Variants in NACA observed in about 807,000 individuals in gnomAD.
NACA encodes nascent polypeptide associated complex subunit alpha.
In NACA, 42 loss-of-function variants were observed where a neutral mutation model predicts 86.4. That is an observed-to-expected ratio of 0.49 (90% confidence interval 0.38 to 0.63). The LOEUF (loss-of-function observed/expected upper bound fraction) is 0.63, where lower values mean the gene tolerates loss of function less well. NACA is among the 20% of genes least tolerant of loss of function. NACA has a pLI of 0.00. For synonymous variants in NACA, 898 were observed against 973.7 expected, an observed-to-expected ratio of 0.92 and a Z score of 1.45; for missense variants, 2,157 against 2,483.6, an observed-to-expected ratio of 0.87 and a Z score of 2.80.
In NACA at chr12:56,716,187, G is replaced by C; in HGVS notation, c.5343C>G (p.Val1781=). Reference sequence around the variant, plus strand: ...CAGATGCTGATTCAGGTTTAGGAAGGACCTTCTCAAAGGCAGCTGCTGTTA... The same window carrying C: ...CAGATGCTGATTCAGGTTTAGGAAGCACCTTCTCAAAGGCAGCTGCTGTTA... The part of the protein sequence containing the change: ...TPLTAAAFEK[V]LPKPESASVS... Residue 1781 remains valine, a synonymous_variant, in exon 3 of 9, where the codon GTC becomes GTG. Coordinates refer to ENST00000454682, the MANE Select transcript of NACA (RefSeq NM_001365896.1). The C allele has an allele frequency of 1.2e-6, 2 of 1,613,714 alleles. No individual in the cohort carries two copies. Among genetic ancestry groups the C allele is most frequent in the Non-Finnish European group, 1.7e-6 (2 of 1,179,874 alleles).
At chr12:56,724,395 C>G (rs1953653335) in intron 2 of NACA, 57 bp downstream of exon 2, 13 of 1,529,898 alleles carry the variant, frequency 8.5e-6, no homozygotes, top group Non-Finnish European at 1.1e-5. Context: ...TCATTTTGCC[C>G]ACCAAATGGC....
rs905513404 is a variant in NACA at position 56,719,477 on chromosome 12, G to A, written c.2053C>T (p.Pro685Ser). The change falls in exon 3 of 9, where the codon CCT becomes TCT. Residue 685 changes from proline to serine, a missense_variant. Coordinates refer to ENST00000454682, the MANE Select transcript of NACA (RefSeq NM_001365896.1). ...CCTTCCTTAACTGGGTGGTTTTTAG[G>A]AGCTAAAGAGACAGTTCCTTCTAGA... is the stretch of plus-strand genomic sequence containing the variant. ...PFLEGTVSLAPKNHPVKEGTL... is the reference protein window; with the variant it reads ...PFLEGTVSLASKNHPVKEGTL... 3.7e-6 allele frequency: 6 copies of A among 1,613,846 alleles called. 1 individual carries two copies. In the Admixed American group the frequency reaches 8.3e-5, roughly 22 times the overall value.
rs1322799886 is a variant in NACA at position 56,719,294 on chromosome 12, G to A, written c.2236C>T (p.Pro746Ser). The A allele has an allele frequency of 6.3e-7, 1 of 1,595,272 alleles. No individual in the cohort carries two copies. Among genetic ancestry groups the A allele is most frequent in the South Asian group, 1.1e-5 (1 of 89,958 alleles). Residue 746 changes from proline (P) to serine (S), a missense_variant, in exon 3 of 9, where the codon CCA becomes TCA. By Grantham distance (74) the Pro-to-Ser change is moderately conservative. Around this residue, in one of 8 missense-constraint regions of NACA, gnomAD observed 947 missense variants for 917.9 expected, o/e 1.03. Transcript: ENST00000454682. ...SPSLPPAGTP[P>S]GTKKVDGISH... The stretch of plus-strand genomic sequence containing the variant: ...ATACCATCAACCTTTTTTGTACCTG[G>A]AGGAGTCCCAGCTGGGGGAAGAGAG...
In NACA at chr12:56,720,420, A is replaced by G; in HGVS notation, c.1110T>C (p.Thr370=). 1.9e-6 allele frequency: 3 copies of G among 1,613,914 alleles called. No homozygotes were observed. The highest frequency in any genetic ancestry group is 2.5e-6 in the Non-Finnish European group (3 of 1,179,822). The stretch of plus-strand genomic sequence containing the variant: ...GAGCCACCACTGGAAAGGCAGCCAC[A>G]GTAGCAGGAACTACCTCATTTCTGG... ...LPSRNEVVPA[T]VAAFPVVAPS... is the part of the protein sequence containing the mutation. The change falls in exon 3 of 9, where the codon ACT becomes ACC. Residue 370 remains threonine (T), a synonymous_variant. Coordinates refer to ENST00000454682, the MANE Select transcript of NACA (RefSeq NM_001365896.1).
In NACA at chr12:56,720,367, A is replaced by G; in HGVS notation, c.1163T>C (p.Ile388Thr). ...AGAAGGGCTGCAGGTTATGCTAGAG[A>G]TGGTAGAGGGACCTTTGTCAACAGA... ...APSVDKGPST[I>T]SSITCSPSGS... The change falls in exon 3 of 9, where the codon ATC becomes ACC. Residue 388 changes from isoleucine to threonine, a missense_variant. Around this residue, in one of 8 missense-constraint regions of NACA, gnomAD observed 947 missense variants for 917.9 expected, o/e 1.03. Transcript: ENST00000454682. 6.2e-7 allele frequency: 1 copy of G among 1,613,908 alleles called. No individual in the cohort carries two copies. Among genetic ancestry groups the G allele is most frequent in the African/African-American group, 1.3e-5 (1 of 75,016 alleles).
rs1265252949 is a variant in NACA at position 56,717,277 on chromosome 12, G to A, written c.4253C>T (p.Thr1418Ile). 1.6e-5 allele frequency: 21 copies of A among 1,341,406 alleles called. No individual in the cohort carries two copies. Among genetic ancestry groups the A allele is most frequent in the Non-Finnish European group, 2.1e-5 (21 of 1,023,930 alleles). The allele number at this position is 1,341,406 out of a possible 1,614,324, so 83.1% of individuals were successfully genotyped here. ...GGCTGCGCCTTCTCTGGTGACTGGA[G>A]TTGCTGGAGCCTTTTTGGGGGAGAG... ...IPLSPKKAPA[T>I]PVTREGAATP... The change falls in exon 3 of 9, where the codon ACT (threonine) becomes ATT (isoleucine). Residue 1418 changes from threonine (T) to isoleucine (I), a missense_variant. By Grantham distance (89) the Thr-to-Ile change is moderately conservative. This residue lies in a region of NACA where 797 missense variants were observed against 777.6 expected (regional missense o/e 1.02). Transcript: ENST00000454682.
At chr12:56,714,295 G>T in intron 5 of NACA, 67 bp downstream of exon 5, 1 of 1,519,232 alleles carries the variant, frequency 6.6e-7, no homozygotes. Flanking sequence ...AAAAACCTAT[G>T]GAAATAAACA....
Position 56,714,615 on chromosome 12 carries a change from G to A in NACA, c.5732C>T (p.Thr1911Ile). 2 of 1,614,126 alleles carry A rather than the reference G, an allele frequency of 1.2e-6. No individual in the cohort carries two copies. Among genetic ancestry groups the A allele is most frequent in the Non-Finnish European group, 1.7e-6 (2 of 1,180,012 alleles). The change falls in exon 4 of 9, where the codon ACA becomes ATA. Residue 1911 changes from threonine (T) to isoleucine (I), a missense_variant. Physicochemically the swap from Thr to Ile is moderately conservative, Grantham distance 89. This residue lies in a region of NACA where 797 missense variants were observed against 777.6 expected (regional missense o/e 1.02). Transcript: ENST00000454682. ...LEEQDSTQAT[T>I]QQAQLAAAAE... ...GAGAATACCCACCTGGGCTTGTTGT[G>A]TGGTTGCCTGGGTGGAATCCTGTTC...
At chr12:56,714,725 A>T in intron 3 of NACA, 38 bp from the exon 4 acceptor site, 1 of 1,586,436 alleles carries the variant, frequency 6.3e-7, no homozygotes, top group Non-Finnish European at 8.7e-7. Flanking sequence ...TTATAGTAGA[A>T]ATTATAAGAG....
chr12:56,721,503 AG>A, intron 2 of NACA, 44 bp from the exon 3 acceptor site: 2 of 1,344,372 alleles, frequency 1.5e-6, no homozygotes, highest in Non-Finnish European at 2.0e-6. Flanking sequence ...GAGGGGGAGG[AG>A]AAAAAAGGTG....
chr12:56,724,516 G>A lies in NACA; in HGVS notation c.6C>T (p.Pro2=). 1.2e-6 allele frequency: 2 copies of A among 1,611,954 alleles called. No homozygotes were observed. The highest frequency in any genetic ancestry group is 8.5e-7 in the Non-Finnish European group (1 of 1,179,102). The change falls in exon 2 of 9, where the codon CCC becomes CCT. Residue 2 remains proline (P), a synonymous_variant. Coordinates refer to ENST00000454682, the MANE Select transcript of NACA (RefSeq NM_001365896.1). ...CAGGGACGGTTTCTGTGGCTTCGCC[G>A]GGCATTTCTGAAGGAAGGGAATAAA... M[P]GEATETVPAT...
chr12:56,721,555 A>G, intron 2 of NACA, 96 bp from the exon 3 acceptor site: 1 of 725,288 alleles, frequency 1.4e-6, no homozygotes, highest in Non-Finnish European at 2.1e-6. Flanking sequence ...CTCCTAGGAA[A>G]CACTGGAGTT....
chr12:56,724,459 A>T lies in NACA; in HGVS notation c.63T>A (p.Ala21=), dbSNP rs1953656353. The stretch of plus-strand genomic sequence containing the variant: ...GAGGGTAGGGAAACCTACCTGTCTC[A>T]GCCTGGGGCTGCGGCAACTCCTGCT... ...ATEQELPQPQ[A]ETAVLPMSSA... is the part of the protein sequence containing the mutation. Residue 21 remains alanine (A), a synonymous_variant, in exon 2 of 9, where the codon GCT becomes GCA. Coordinates refer to ENST00000454682, the MANE Select transcript of NACA (RefSeq NM_001365896.1). 16 of 1,611,116 alleles carry T rather than the reference A, an allele frequency of 9.9e-6. No homozygotes were observed. Among genetic ancestry groups the T allele is most frequent in the Non-Finnish European group, 1.3e-5 (15 of 1,178,704 alleles).
intron 2 of NACA, among the ~76,000 whole-genome samples, 193 bp downstream of exon 2, chr12:56,724,259 C>A (rs1377464043): frequency 6.6e-6 from 1 of 152,118 alleles, no homozygotes; most frequent in African/African-American, 2.4e-5. Context: ...TTAACGTCCA[C>A]GAATCTTAAA....
At chr12:56,722,741 A>T (rs1166822075) in intron 2 of NACA, among the ~76,000 whole-genome samples, 1 of 152,118 alleles carries the variant, frequency 6.6e-6, no homozygotes, top group Non-Finnish European at 1.5e-5. Flanking sequence ...AATACACTGG[A>T]TCCCCACTCC....
chr12:56,712,781 C>T lies in NACA; in HGVS notation c.6222+5G>A. 6.2e-7 allele frequency: 1 copy of T among 1,614,204 alleles called. No individual in the cohort carries two copies. The highest frequency in any genetic ancestry group is 8.5e-7 in the Non-Finnish European group (1 of 1,180,026). ...GAGTCAAGGAACAAAGGCTTGAACACTTACCATAATCGCATTTACAATATC... is the reference window on the plus strand; with the variant it reads ...GAGTCAAGGAACAAAGGCTTGAACATTTACCATAATCGCATTTACAATATC... On this transcript the variant is annotated splice_donor_5th_base_variant and intron_variant, in intron 8 of 8. Coordinates refer to ENST00000454682, the MANE Select transcript of NACA (RefSeq NM_001365896.1).
At chr12:56,724,042 C>T (rs1953645691) in intron 2 of NACA, among the ~76,000 whole-genome samples, 1 of 152,170 alleles carries the variant, frequency 6.6e-6, no homozygotes, top group South Asian at 2.1e-4. Flanking sequence ...AGGCACAATG[C>T]CAAGCTCTGC....
chr12:56,717,195 C>A lies in NACA; in HGVS notation c.4335G>T (p.Lys1445Asn). Residue 1445 changes from lysine (K) to asparagine (N), a missense_variant, in exon 3 of 9, where the codon AAG becomes AAT. Lys to Asn is a moderately conservative substitution (Grantham distance 94). Around this residue, in one of 8 missense-constraint regions of NACA, gnomAD observed 797 missense variants for 777.6 expected, o/e 1.02. Transcript: ENST00000454682. ...CTTTGGGGGCTGAAGTTGCTGGGGCCTTTTTGAGGGAGACAGGAGTCACTG... is the reference window on the plus strand; with the variant it reads ...CTTTGGGGGCTGAAGTTGCTGGGGCATTTTTGAGGGAGACAGGAGTCACTG... ...PPAVTPVSLK[K>N]APATSAPKGG... The A allele has an allele frequency of 8.0e-7, 1 of 1,257,798 alleles. No homozygotes were observed. The highest frequency in any genetic ancestry group is 1.0e-6 in the Non-Finnish European group (1 of 980,060). 77.9% of individuals were successfully genotyped at this position (1,257,798 alleles called of 1,614,324 possible).
chr12:56,721,241 G>C lies in NACA; in HGVS notation c.289C>G (p.Pro97Ala). Residue 97 changes from proline to alanine, a missense_variant, in exon 3 of 9, where the codon CCT (proline) becomes GCT (alanine). Transcript: ENST00000454682. ...TTTGGTAGGAAGGTTGGGGCTTCAGGGGCAGTTCCCAAAGGTAGGGCTGTT... is the reference window on the plus strand; with the variant it reads ...TTTGGTAGGAAGGTTGGGGCTTCAGCGGCAGTTCCCAAAGGTAGGGCTGTT... ...SGTALPLGTA[P>A]EAPTFLPNLI... is the part of the protein sequence containing the mutation. 6.2e-7 allele frequency: 1 copy of C among 1,613,714 alleles called. No individual in the cohort carries two copies. Among genetic ancestry groups the C allele is most frequent in the Non-Finnish European group, 8.5e-7 (1 of 1,179,802 alleles).
Sources: allele counts gnomAD v4.1 joint callset (sites outside exome capture counted in the v4.1 genomes callset), GRCh38; gene constraint gnomAD v4.1.1; regional missense constraint gnomAD v4.1.1; transcripts MANE v1.5; gene names NCBI Gene and HGNC (gene_info 2026-07-23, HGNC 2026-07-21).